Variants in IL31RA observed in about 807,000 individuals in gnomAD.
The protein encoded by IL31RA is interleukin-31 receptor subunit alpha.
A neutral mutation model predicts 83.7 loss-of-function variants in IL31RA; 66 were observed. The observed-to-expected ratio is 0.79, with a 90% confidence interval of 0.65 to 0.97. The LOEUF (loss-of-function observed/expected upper bound fraction) is 0.97. Among genes scored for constraint, IL31RA ranks in the 50% least tolerant of loss-of-function variants. The pLI, the probability that IL31RA is intolerant of heterozygous loss-of-function variation, is 0.00. For synonymous variants in IL31RA, 325 were observed against 329.0 expected (o/e 0.99, Z 0.13); for missense variants, 798 against 919.4 (o/e 0.87, Z 1.71).
In IL31RA at chr5:55,851,386, C is replaced by G. The variant is rs1317304061; in HGVS notation, c.-185C>G. On this transcript the variant is annotated 5_prime_UTR_variant, in exon 1 of 15. Coordinates refer to ENST00000652347, the MANE Select transcript of IL31RA (RefSeq NM_139017.7). ...CCTCCTTCTGCTTAGGAACACCAGACAGCACTCCAGCACTCTGCTTGGGGG... is the reference window on the plus strand; with the variant it reads ...CCTCCTTCTGCTTAGGAACACCAGAGAGCACTCCAGCACTCTGCTTGGGGG... 1.1e-5 allele frequency: 10 copies of G among 951,952 alleles called. No homozygotes were observed. Among genetic ancestry groups the G allele is most frequent in the Non-Finnish European group, 1.4e-5 (9 of 630,660 alleles). The allele number at this position is 951,952 out of a possible 1,614,324, so 59.0% of individuals were successfully genotyped here.
intron 9 of IL31RA, among the ~76,000 whole-genome samples, chr5:55,906,883 C>T (rs1045871000): frequency 6.6e-6 from 1 of 152,204 alleles, no homozygotes; most frequent in African/African-American, 2.4e-5. Flanking sequence ...CTCAGCCTCC[C>T]TAATGAGGCT....
intron 5 of IL31RA, 24 bp downstream of exon 5, chr5:55,883,219 A>G: frequency 6.3e-7 from 1 of 1,589,960 alleles, no homozygotes; most frequent in Non-Finnish European, 8.6e-7. Flanking sequence ...TTATAATAAT[A>G]TTCCAATTAG....
chr5:55,890,101 G>A lies in IL31RA; in HGVS notation c.738G>A (p.Trp246Ter), dbSNP rs752726815. The change falls in exon 6 of 15, where the codon TGG becomes TGA. Residue 246 changes from tryptophan (W) to a stop codon, truncating the protein, a stop_gained. Coordinates refer to ENST00000652347, the MANE Select transcript of IL31RA (RefSeq NM_139017.7). LOFTEE classifies it high-confidence loss of function. ...AVKESKFWSDWSQEKMGMTEE... is the reference protein window; with the variant it reads ...AVKESKFWSD The stretch of plus-strand genomic sequence containing the variant: ...AGGAGTCAAAGTTCTGGAGTGACTG[G>A]AGCCAAGAAAAAATGGGAATGACTG... 2 of 1,613,894 alleles carry A rather than the reference G, an allele frequency of 1.2e-6. No homozygotes were observed. The highest frequency in any genetic ancestry group is 1.7e-4 in the Middle Eastern group (1 of 6,056).
rs1304109071 is a variant in IL31RA at position 55,918,053 on chromosome 5, C to T, written c.*933C>T. ...ATTTGCAGCCCCAACAGGAGGACTT[C>T]TGCTCCTTTTCTCTAGCTGAGCACA... On this transcript the variant is annotated 3_prime_UTR_variant, in exon 15 of 15. Transcript: ENST00000652347. 1.3e-5 allele frequency among the ~76,000 whole-genome samples: 2 copies of T among 152,250 alleles called. No homozygotes were observed. The highest frequency in any genetic ancestry group is 2.9e-5 in the Non-Finnish European group (2 of 68,046).
chr5:55,859,744 G>T, intron 2 of IL31RA, 145 bp downstream of exon 2: 1 of 718,012 alleles, frequency 1.4e-6, no homozygotes. Flanking sequence ...TTGTGTGTGT[G>T]TCTGTGTGTG....
Position 55,916,838 on chromosome 5 carries a change from T to C in IL31RA, c.2013T>C (p.Tyr671=), listed in dbSNP as rs1315071178. 1 of 1,614,188 alleles carries C rather than the reference T, an allele frequency of 6.2e-7. No homozygotes were observed. Among genetic ancestry groups the C allele is most frequent in the East Asian group, 2.2e-5 (1 of 44,884 alleles). ...ATTTAGGAGGGGAAAAGAATGGGTA[T>C]GTGACCTGCCCCTTCAGGCCTGATT... ...ENNLGGEKNG[Y]VTCPFRPDCP... is the part of the protein sequence containing the mutation. The change falls in exon 15 of 15, where the codon TAT becomes TAC. Residue 671 remains tyrosine, a synonymous_variant. Transcript: ENST00000652347.
Position 55,905,932 on chromosome 5 carries a change from T to G in IL31RA, c.1070-174T>G, listed in dbSNP as rs551422902. Among the ~76,000 whole-genome samples the G allele has an allele frequency of 1.8e-3, 267 of 152,274 alleles. 1 individual carries two copies. The highest frequency in any genetic ancestry group is 1.3e-3 in the Non-Finnish European group (90 of 68,018). On this transcript the variant is annotated intron_variant, in intron 8 of 14. Transcript: ENST00000652347. ...GCCACTTACTCCTCAAGGTGTTGTGTAAGGAAAAAGGATGCAATAAGGGGA... is the reference window on the plus strand; with the variant it reads ...GCCACTTACTCCTCAAGGTGTTGTGGAAGGAAAAAGGATGCAATAAGGGGA...
At chr5:55,900,156 C>T in intron 8 of IL31RA, 24 bp downstream of exon 8, 1 of 1,523,866 alleles carries the variant, frequency 6.6e-7, no homozygotes, top group Non-Finnish European at 9.1e-7. Flanking sequence ...CAACTTCTTC[C>T]TTAGGTGCCT....
chr5:55,914,751 A>C, intron 13 of IL31RA, 96 bp from the exon 14 acceptor site: 1 of 921,036 alleles, frequency 1.1e-6, no homozygotes, highest in Non-Finnish European at 1.8e-6. Flanking sequence ...GGAAACTTAC[A>C]ATTCCCTTTA....
At chr5:55,898,272 C>T (rs952420575) in intron 7 of IL31RA, among the ~76,000 whole-genome samples, 1 of 152,122 alleles carries the variant, frequency 6.6e-6, no homozygotes, top group Non-Finnish European at 1.5e-5. Context: ...ATTTCAGTGC[C>T]CGCCTCCTCC....
In IL31RA at chr5:55,907,356, C is replaced by T; in HGVS notation, c.1253-3C>T. ...TACACTTTTTTTTCTTTCTTTTTCA[C>T]AGATAAATTAAAACCTTTCTGGTGC... On this transcript the variant is annotated splice_region_variant and splice_polypyrimidine_tract_variant and intron_variant, in intron 9 of 14. Coordinates refer to ENST00000652347, the MANE Select transcript of IL31RA (RefSeq NM_139017.7). 6.2e-7 allele frequency: 1 copy of T among 1,600,704 alleles called. No individual in the cohort carries two copies. Among genetic ancestry groups the T allele is most frequent in the African/African-American group, 1.3e-5 (1 of 74,766 alleles).
chr5:55,853,673 G>A (rs1235733592), intron 1 of IL31RA: 3 of 1,158,174 alleles, frequency 2.6e-6, no homozygotes, highest in African/African-American at 1.6e-5. Context: ...GACCCACCAC[G>A]TGAATTTCTC....
chr5:55,904,210 T>C (rs1240362278), intron 8 of IL31RA, among the ~76,000 whole-genome samples: 1 of 152,144 alleles, frequency 6.6e-6, no homozygotes, highest in Non-Finnish European at 1.5e-5. Flanking sequence ...CTGTAACAGG[T>C]ACAATCTGAG....
rs767288152 is a variant in IL31RA, at chr5:55,896,348, A to G, written c.773-2A>G. 2 of 1,609,396 alleles carry G rather than the reference A, an allele frequency of 1.2e-6. No individual in the cohort carries two copies. The highest frequency in any genetic ancestry group is 1.1e-5 in the South Asian group (1 of 90,972). ...TGAGTACCTCATTCTTGTTCCTTACAGCTCCATGTGGCCTGGAACTGTGGA... is the reference window on the plus strand; with the variant it reads ...TGAGTACCTCATTCTTGTTCCTTACGGCTCCATGTGGCCTGGAACTGTGGA... On this transcript the variant is annotated splice_acceptor_variant, in intron 6 of 14. Transcript: ENST00000652347. LOFTEE classifies it high-confidence loss of function.
At position 55,873,816 on chromosome 5, in the gene IL31RA, T is replaced by C. The variant is rs116585040; in HGVS notation, c.454+1365T>C. ...CACAAGTTCCTTATCAGATATGTAA[T>C]TTGCAAATATTTCCTCCCTGTTTGT... is the stretch of plus-strand genomic sequence containing the variant. On this transcript the variant is annotated intron_variant, in intron 4 of 14. Coordinates refer to ENST00000652347, the MANE Select transcript of IL31RA (RefSeq NM_139017.7). 3.3e-3 allele frequency among the ~76,000 whole-genome samples: 506 copies of C among 152,270 alleles called. 6 individuals carry two copies. The highest frequency in any genetic ancestry group is 0.012 in the African/African-American group (493 of 41,578).
Position 55,918,975 on chromosome 5 carries a change from T to A in IL31RA, c.*1855T>A, listed in dbSNP as rs1472520361. Among the ~76,000 whole-genome samples the A allele has an allele frequency of 6.6e-6, 1 of 152,186 alleles. No individual in the cohort carries two copies. Among genetic ancestry groups the A allele is most frequent in the Admixed American group, 6.5e-5 (1 of 15,282 alleles). On this transcript the variant is annotated 3_prime_UTR_variant, in exon 15 of 15. Coordinates refer to ENST00000652347, the MANE Select transcript of IL31RA (RefSeq NM_139017.7). ...GTAGGAAGGGACCAAACAAAAGAGATGCGTCCAATTCTCATGCCGCCCCTG... is the reference window on the plus strand; with the variant it reads ...GTAGGAAGGGACCAAACAAAAGAGAAGCGTCCAATTCTCATGCCGCCCCTG...
chr5:55,909,579 A>G (rs1201440869), intron 11 of IL31RA, among the ~76,000 whole-genome samples: 3 of 151,796 alleles, frequency 2.0e-5, no homozygotes, highest in Admixed American at 1.3e-4. Flanking sequence ...AATACGTGTT[A>G]TTTTTCATTA....
intron 8 of IL31RA, among the ~76,000 whole-genome samples, chr5:55,905,720 A>G (rs1749108345): frequency 2.0e-5 from 3 of 152,174 alleles, no homozygotes; most frequent in Admixed American, 2.0e-4. Context: ...ACCATCTCCC[A>G]GCTTCCCAGC....
chr5:55,847,812 GTCA>G (rs954138022), upstream of IL31RA, among the ~76,000 whole-genome samples: 2 of 152,106 alleles, frequency 1.3e-5, no homozygotes, highest in African/African-American at 4.8e-5. Flanking sequence ...ATTACATTGA[GTCA>G]TCATATCTTT....
Sources: gnomAD v4.1 joint callset for allele counts (sites outside exome capture counted in the v4.1 genomes callset) on GRCh38, gnomAD v4.1.1 for gene constraint, MANE v1.5 for transcripts, NCBI Gene and HGNC (gene_info 2026-07-23, HGNC 2026-07-21) for gene names.